Variants in ADAM19 observed in about 807,000 individuals in gnomAD.
ADAM19 encodes ADAM metallopeptidase domain 19.
ADAM19 carries 65 observed loss-of-function variants against 114.7 expected under a neutral mutation model. The ratio of observed to expected loss-of-function variants is 0.57; its 90% confidence interval spans 0.46 to 0.70. ADAM19 has a LOEUF of 0.70. Among genes scored for constraint, ADAM19 ranks in the 30% least tolerant of loss-of-function variants. The pLI is 0.00. For synonymous variants in ADAM19, 466 were observed against 460.5 expected (o/e 1.01, Z -0.15); for missense variants, 1,063 against 1,204.7 (o/e 0.88, Z 1.74).
At chr5:157,507,720 T>C (rs1294153990) in intron 9 of ADAM19, among the ~76,000 whole-genome samples, 1 of 152,234 alleles carries the variant, frequency 6.6e-6, no homozygotes, top group Admixed American at 6.5e-5. Flanking sequence ...GATGCAAGAA[T>C]GAGCTGTTTC....
intron 21 of ADAM19, among the ~76,000 whole-genome samples, chr5:157,482,318 G>T (rs1754781081): frequency 6.6e-6 from 1 of 152,142 alleles, no homozygotes; most frequent in Non-Finnish European, 1.5e-5. Flanking sequence ...CTGTCAGATG[G>T]ATAGATTGCA....
Position 157,480,701 on chromosome 5 carries a change from C to G in ADAM19, c.*248G>C, listed in dbSNP as rs943893933. ...CCAGTCACCCTCCTCATACTCTCCCCTCCCTACCTGGGGCTGTATATTGCA... is the reference window on the plus strand; with the variant it reads ...CCAGTCACCCTCCTCATACTCTCCCGTCCCTACCTGGGGCTGTATATTGCA... On this transcript the variant is annotated 3_prime_UTR_variant, in exon 23 of 23. Coordinates refer to ENST00000257527, the MANE Select transcript of ADAM19 (RefSeq NM_033274.5). 3 of 1,320,904 alleles carry G rather than the reference C, an allele frequency of 2.3e-6. No homozygotes were observed. The South Asian group carries it at 5.5e-5, about 24-fold the overall frequency. The allele number at this position is 1,320,904 out of a possible 1,614,324, so 81.8% of individuals were successfully genotyped here.
chr5:157,505,771 A>G lies in ADAM19; in HGVS notation c.1028T>C (p.Met343Thr), dbSNP rs777587974. The G allele has an allele frequency of 6.2e-7, 1 of 1,614,080 alleles. No homozygotes were observed. The highest frequency in any genetic ancestry group is 2.2e-5 in the East Asian group (1 of 44,884). ...SENAIGVAAT[M>T]AHEMGHNFGM... is the part of the protein sequence containing the mutation. ...AAAGTTGTGGCCCATCTCGTGGGCC[A>G]TGGTGGCAGCCACGCCAATGGCATT... Residue 343 changes from methionine to threonine, a missense_variant, in exon 11 of 23, where the codon ATG becomes ACG. Met to Thr is a moderately conservative substitution (Grantham distance 81). Around this residue, in one of 3 missense-constraint regions of ADAM19, gnomAD observed 615 missense variants for 706.3 expected, o/e 0.87. Transcript: ENST00000257527.
At position 157,488,425 on chromosome 5, in the gene ADAM19, T is replaced by A. The variant is rs201060137; in HGVS notation, c.2390A>T (p.Tyr797Phe). ...SQPPPRPPPDYLRGGSPPAPL... is the reference protein window; with the variant it reads ...SQPPPRPPPDFLRGGSPPAPL... ...TGCAGGTGGGGACCCACCACGCAGATAATCTGGAGGGGGCCGGGGAGGAGG... is the reference window on the plus strand; with the variant it reads ...TGCAGGTGGGGACCCACCACGCAGAAAATCTGGAGGGGGCCGGGGAGGAGG... The change falls in exon 21 of 23, where the codon TAT becomes TTT. Residue 797 changes from tyrosine to phenylalanine, a missense_variant. Coordinates refer to ENST00000257527, the MANE Select transcript of ADAM19 (RefSeq NM_033274.5). 1.1e-5 allele frequency: 18 copies of A among 1,613,536 alleles called. No homozygotes were observed. The African/African-American group carries it at 1.9e-4, about 17-fold the overall frequency.
chr5:157,480,232 C>A lies in ADAM19; in HGVS notation c.*717G>T. The stretch of plus-strand genomic sequence containing the variant: ...ATTATCCAGAGTCAGGAGTCGCAAC[C>A]TTTGGCATCACGGCTCAGAGGAAGC... On this transcript the variant is annotated 3_prime_UTR_variant, in exon 23 of 23. Transcript: ENST00000257527. 1 of 986,016 alleles carries A rather than the reference C, an allele frequency of 1.0e-6. No homozygotes were observed. The highest frequency in any genetic ancestry group is 1.2e-6 in the Non-Finnish European group (1 of 830,028). 61.1% of individuals were successfully genotyped at this position (986,016 alleles called of 1,614,324 possible).
chr5:157,505,623 G>T, intron 11 of ADAM19, 46 bp downstream of exon 11: 2 of 1,605,196 alleles, frequency 1.2e-6, no homozygotes, highest in Non-Finnish European at 1.7e-6. Context: ...CACTGTCCAG[G>T]TGTGCCCGCC....
chr5:157,562,083 A>G (rs779880512), intron 3 of ADAM19, among the ~76,000 whole-genome samples: 6 of 152,174 alleles, frequency 3.9e-5, no homozygotes, highest in Admixed American at 3.3e-4. Flanking sequence ...CCCCGCTCCA[A>G]AGCTGTTTTG....
At chr5:157,525,055 C>A (rs1444930751) in intron 5 of ADAM19, among the ~76,000 whole-genome samples, 1 of 152,216 alleles carries the variant, frequency 6.6e-6, no homozygotes, top group African/African-American at 2.4e-5. Flanking sequence ...TGTAAATCCA[C>A]CAGTGATGTC....
At chr5:157,517,275 A>G (rs1260567568) in intron 7 of ADAM19, among the ~76,000 whole-genome samples, 3 of 152,234 alleles carry the variant, frequency 2.0e-5, no homozygotes, top group African/African-American at 7.2e-5. Context: ...GGAAGATGGT[A>G]GCTAAACTAT....
At chr5:157,500,585 A>G (rs1755529440) in intron 12 of ADAM19, among the ~76,000 whole-genome samples, 1 of 152,020 alleles carries the variant, frequency 6.6e-6, no homozygotes, top group Admixed American at 6.6e-5. Context: ...TTCTTATCTC[A>G]TGAAAAGGGG....
intron 15 of ADAM19, among the ~76,000 whole-genome samples, chr5:157,493,437 G>T (rs1755242348): frequency 6.6e-6 from 1 of 152,130 alleles, no homozygotes; most frequent in South Asian, 2.1e-4. Flanking sequence ...TCCAAGAATA[G>T]CCACCTGAGC....
chr5:157,505,931 A>C (rs1755728651), intron 10 of ADAM19, 123 bp from the exon 11 acceptor site: 1 of 1,131,972 alleles, frequency 8.8e-7, no homozygotes, highest in Non-Finnish European at 1.2e-6. Context: ...CTGAGCATAC[A>C]GACTCTCCAT....
chr5:157,524,543 C>G, intron 5 of ADAM19, among the ~76,000 whole-genome samples: 1 of 152,240 alleles, frequency 6.6e-6, no homozygotes. Flanking sequence ...GGGACACATT[C>G]TACATCCCTA....
At chr5:157,559,200 G>A (rs1456791745) in intron 3 of ADAM19, among the ~76,000 whole-genome samples, 1 of 152,170 alleles carries the variant, frequency 6.6e-6, no homozygotes, top group African/African-American at 2.4e-5. Context: ...AACTAAACTT[G>A]AGCAAATAAG....
chr5:157,477,542 G>C lies in ADAM19; in HGVS notation c.*3407C>G. The C allele has an allele frequency of 8.4e-7, 1 of 1,184,364 alleles. No individual in the cohort carries two copies. Among genetic ancestry groups the C allele is most frequent in the East Asian group, 5.9e-5 (1 of 16,834 alleles). The allele number at this position is 1,184,364 out of a possible 1,614,324, so 73.4% of individuals were successfully genotyped here. On this transcript the variant is annotated 3_prime_UTR_variant, in exon 23 of 23. Transcript: ENST00000257527. ...TGGACGGTGTGAGAGGACGCGTTGG[G>C]GGTGACTTTGGAAATGTGGGCTTGG...
chr5:157,530,832 T>C lies in ADAM19; in HGVS notation c.382A>G (p.Thr128Ala). The change falls in exon 5 of 23, where the codon ACG becomes GCG. Residue 128 changes from threonine (T) to alanine (A), a missense_variant. Thr to Ala is a moderately conservative substitution (Grantham distance 58, BLOSUM62 0). Coordinates refer to ENST00000257527, the MANE Select transcript of ADAM19 (RefSeq NM_033274.5). ...TVRETELSSV[T>A]LSTCRGIRGL... ...CTAATTCCTCGGCAAGTGCTGAGCG[T>C]GACGCTGGACAGTTCTGTCTCCCTC... is the stretch of plus-strand genomic sequence containing the variant. The C allele has an allele frequency of 6.2e-7, 1 of 1,614,162 alleles. No individual in the cohort carries two copies. The highest frequency in any genetic ancestry group is 1.7e-5 in the Admixed American group (1 of 60,028).
chr5:157,565,652 T>C (rs1246002517), intron 2 of ADAM19, among the ~76,000 whole-genome samples: 1 of 149,716 alleles, frequency 6.7e-6, no homozygotes, highest in Non-Finnish European at 1.5e-5. Flanking sequence ...AAGGTTGCAG[T>C]GAGCTGAGAT....
At chr5:157,557,037 T>C (rs145050846) in intron 3 of ADAM19, among the ~76,000 whole-genome samples, 2 of 152,230 alleles carry the variant, frequency 1.3e-5, no homozygotes, top group East Asian at 3.9e-4. Flanking sequence ...TGTGCCACCA[T>C]GCCTGGCTAA....
intron 13 of ADAM19, among the ~76,000 whole-genome samples, chr5:157,497,570 T>TACACACACACACACAC (rs5872512): frequency 1.7e-5 from 2 of 116,686 alleles, no homozygotes; most frequent in East Asian, 2.0e-4. Flanking sequence ...GGCCCACTAA[T>TACACACACACACACAC]ACACACACAC....
Sources: gnomAD v4.1 joint callset for allele counts (sites outside exome capture counted in the v4.1 genomes callset) on GRCh38, gnomAD v4.1.1 for gene constraint, gnomAD v4.1.1 regional missense constraint, MANE v1.5 for transcripts, NCBI Gene and HGNC (gene_info 2026-07-23, HGNC 2026-07-21) for gene names.